MYT1L: variants seen among roughly 807,000 people sequenced by gnomAD.
MYT1L encodes the protein myelin transcription factor 1-like protein.
Under a neutral mutation model 126.7 loss-of-function variants are expected in MYT1L, and 12 were observed. The ratio of observed to expected loss-of-function variants is 0.09; its 90% CI spans 0.06 to 0.15. The LOEUF is 0.15. MYT1L is among the 10% of genes least tolerant of loss of function. The pLI, the probability that MYT1L is intolerant of heterozygous loss-of-function variation, is 1.00. For synonymous variants in MYT1L, 541 were observed against 604.2 expected (o/e 0.90, Z 1.53); for missense variants, 979 against 1,585.2 (o/e 0.62, Z 6.49).
At position 2,271,548 on chromosome 2, in the gene MYT1L, G is replaced by A. The variant is rs73914906; in HGVS notation, c.-421+12856C>T. Among the ~76,000 whole-genome samples, 671 of 152,336 alleles carry A rather than the reference G, an allele frequency of 4.4e-3. 2 individuals are homozygous for A. Among genetic ancestry groups the A allele is most frequent in the African/African-American group, 0.015 (639 of 41,584 alleles). ...CCAGATGGCCTCTCTGAGCCAAGGC[G>A]CTGAGGTCATCTGGTGGTTCTGGGA... On this transcript the variant is annotated intron_variant, in intron 2 of 24. Coordinates refer to ENST00000647738, the MANE Select transcript of MYT1L (RefSeq NM_001303052.2).
intron 1 of MYT1L, among the ~76,000 whole-genome samples, chr2:2,305,240 A>G (rs2149555345): frequency 6.6e-6 from 1 of 152,288 alleles, no homozygotes; most frequent in South Asian, 2.1e-4. Context: ...AGGATACTAC[A>G]AATTCCAGTT....
At chr2:2,317,772 A>T (rs573142645) in intron 1 of MYT1L, among the ~76,000 whole-genome samples, 1 of 152,322 alleles carries the variant, frequency 6.6e-6, no homozygotes, top group South Asian at 2.1e-4. Flanking sequence ...TAACCAAACC[A>T]GGCAGAGTAA....
intron 4 of MYT1L, among the ~76,000 whole-genome samples, chr2:2,044,705 T>C (rs550107499): frequency 6.6e-6 from 1 of 152,330 alleles, no homozygotes; most frequent in African/African-American, 2.4e-5. Context: ...ATGGGGGCCA[T>C]GGCTAGCCTT....
Position 1,811,254 on chromosome 2 carries a change from T to A in MYT1L, c.3081-2087A>T, listed in dbSNP as rs570345192. 8.9e-4 allele frequency: 136 copies of A among 152,326 alleles called. No individual in the cohort carries two copies. The highest frequency in any genetic ancestry group is 3.2e-3 in the African/African-American group (131 of 41,572). 9.4% of individuals were successfully genotyped at this position (152,326 alleles called of 1,614,324 possible). The stretch of plus-strand genomic sequence containing the variant: ...GAACGTCTAAGACAATCACCAGTAT[T>A]TGTTGCTCATACCACAACTCTGTGG... On this transcript the variant is annotated intron_variant, in intron 21 of 24. Transcript: ENST00000647738. This position sits in a 1 kb window ranked among gnomAD's most constrained non-coding sequence, Gnocchi z 4.4.
chr2:2,036,822 C>G (rs1455672680), intron 4 of MYT1L, among the ~76,000 whole-genome samples: 1 of 152,210 alleles, frequency 6.6e-6, no homozygotes, highest in East Asian at 1.9e-4. Context: ...AAACATGTCC[C>G]TGGCAGCCTT....
chr2:2,096,084 TG>T (rs2077440709), intron 3 of MYT1L, among the ~76,000 whole-genome samples: 1 of 152,252 alleles, frequency 6.6e-6, no homozygotes, highest in Admixed American at 6.5e-5. Flanking sequence ...CAATTATCAT[TG>T]CACTTTCTTC....
intron 8 of MYT1L, among the ~76,000 whole-genome samples, chr2:1,962,936 C>T (rs546270109): frequency 1.3e-5 from 2 of 152,322 alleles, no homozygotes; most frequent in African/African-American, 4.8e-5. Context: ...ACATTCTGAT[C>T]TCCTGCCATG....
intron 1 of MYT1L, among the ~76,000 whole-genome samples, chr2:2,313,129 T>C (rs916639523): frequency 2.6e-5 from 4 of 152,212 alleles, no homozygotes; most frequent in African/African-American, 9.7e-5. Context: ...GTGTATTCAC[T>C]ACCTTCAATA....
intron 2 of MYT1L, among the ~76,000 whole-genome samples, chr2:2,262,949 TATATATCACAGGTA>T (rs1217500113): frequency 7.8e-6 from 1 of 128,840 alleles, no homozygotes; most frequent in Non-Finnish European, 1.6e-5. Flanking sequence ...GATATATATA[TATATATCACAGGTA>T]ATAAACATCT....
intron 1 of MYT1L, among the ~76,000 whole-genome samples, chr2:2,314,517 C>T (rs1038606128): frequency 3.9e-5 from 6 of 152,184 alleles, no homozygotes; most frequent in Non-Finnish European, 8.8e-5. Flanking sequence ...CTGGCCCTGA[C>T]AAATGGCTTT....
intron 2 of MYT1L, among the ~76,000 whole-genome samples, chr2:2,283,076 C>T (rs1268375012): frequency 6.6e-6 from 1 of 152,056 alleles, no homozygotes; most frequent in African/African-American, 2.4e-5. Context: ...CTCCATCCCC[C>T]CCAACACAAA....
intron 9 of MYT1L, among the ~76,000 whole-genome samples, chr2:1,936,974 G>A (rs868621750): frequency 6.6e-6 from 1 of 152,296 alleles, no homozygotes. Context: ...TCTGTGAGAA[G>A]GAATTTTTAT....
chr2:1,913,560 T>G (rs1170612344), intron 11 of MYT1L, among the ~76,000 whole-genome samples: 1 of 152,112 alleles, frequency 6.6e-6, no homozygotes. Flanking sequence ...ACCTACTTCG[T>G]TCATTCTTTC....
chr2:1,804,108 G>A (rs1353481096), intron 22 of MYT1L, among the ~76,000 whole-genome samples: 1 of 152,098 alleles, frequency 6.6e-6, no homozygotes, highest in African/African-American at 2.4e-5. Context: ...CTGGAACTAG[G>A]GTTTTTTTGT....
At chr2:2,293,524 G>A (rs112716584) in intron 1 of MYT1L, among the ~76,000 whole-genome samples, 3,818 of 152,162 alleles carry the variant, frequency 0.025, 91 homozygotes, top group South Asian at 0.11. Context: ...GGCTTCCCTC[G>A]GAGCTAAGGA....
chr2:1,894,150 C>T (rs539358015), intron 14 of MYT1L, among the ~76,000 whole-genome samples: 3 of 152,376 alleles, frequency 2.0e-5, no homozygotes, highest in East Asian at 3.9e-4. Flanking sequence ...AGAGTGGGCC[C>T]ATGGCTGGTG....
chr2:2,235,039 G>A (rs577461873), intron 2 of MYT1L, among the ~76,000 whole-genome samples: 1 of 152,176 alleles, frequency 6.6e-6, no homozygotes, highest in South Asian at 2.1e-4. Flanking sequence ...TCTCTTGTCT[G>A]CCTGCCAATG....
At chr2:1,984,567 T>C (rs920240628) in intron 5 of MYT1L, among the ~76,000 whole-genome samples, 1 of 142,654 alleles carries the variant, frequency 7.0e-6, no homozygotes. Flanking sequence ...TGGAGTGCAG[T>C]GGCGCTATCT....
chr2:1,872,070 G>C (rs1159813162), intron 18 of MYT1L, among the ~76,000 whole-genome samples: 1 of 152,212 alleles, frequency 6.6e-6, no homozygotes, highest in East Asian at 1.9e-4. Context: ...GGTGGAGCTA[G>C]TGTGTACCTG....
Sources: allele counts gnomAD v4.1 joint callset (sites outside exome capture counted in the v4.1 genomes callset), GRCh38; gene constraint gnomAD v4.1.1; non-coding constraint Gnocchi (gnomAD v3.1); transcripts MANE v1.5; gene names NCBI Gene and HGNC (gene_info 2026-07-23, HGNC 2026-07-21).